The following GC variants were observed in gnomAD, a reference collection of about 807,000 sequenced individuals.
GC encodes vitamin D-binding protein.
A neutral mutation model predicts 56.7 loss-of-function variants in GC; 43 were observed. The observed-to-expected ratio is 0.76, with a 90% CI of 0.59 to 0.98. The LOEUF (loss-of-function observed/expected upper bound fraction) is 0.98, where lower values mean the gene tolerates loss of function less well. Ranked by LOEUF, GC falls within the 50% of genes least tolerant of loss-of-function variation. The pLI is 0.00. For missense variants in GC, 529 were observed against 545.9 expected, an observed-to-expected ratio of 0.97 and a Z score of 0.31; for synonymous variants, 216 against 202.7, an observed-to-expected ratio of 1.07 and a Z score of -0.56.
upstream of GC, chr4:71,784,269 G>A (rs547128748): frequency 1.1e-5 from 13 of 1,173,896 alleles, no homozygotes; most frequent in African/African-American, 1.8e-4. Context: ...GGAAAATCTA[G>A]GAGATTTTAA....
In GC at chr4:71,756,932, A is replaced by T; in HGVS notation, c.832-18T>A. 1.3e-6 allele frequency: 2 copies of T among 1,529,740 alleles called. No individual in the cohort carries two copies. The highest frequency in any genetic ancestry group is 1.7e-4 in the Middle Eastern group (1 of 5,862). The allele number at this position is 1,529,740 out of a possible 1,614,324, so 94.8% of individuals were successfully genotyped here. Reference sequence around the variant, plus strand: ...TCAGGCAGCTACAAAACGAATGGTTAGTTTGTGCATTGTTAGTTTCCTGAT... The same window carrying T: ...TCAGGCAGCTACAAAACGAATGGTTTGTTTGTGCATTGTTAGTTTCCTGAT... On this transcript the variant is annotated intron_variant, in intron 7 of 12. Coordinates refer to ENST00000273951, the MANE Select transcript of GC (RefSeq NM_000583.4).
intron 1 of GC, among the ~76,000 whole-genome samples, chr4:71,793,663 A>T (rs1578323359): frequency 6.6e-6 from 1 of 152,112 alleles, no homozygotes; most frequent in Non-Finnish European, 1.5e-5. Flanking sequence ...CTCTTGCCTG[A>T]TTGCCCCAAC....
chr4:71,797,744 T>C (rs1176471085), intron 1 of GC, among the ~76,000 whole-genome samples: 1 of 152,218 alleles, frequency 6.6e-6, no homozygotes, highest in Non-Finnish European at 1.5e-5. Flanking sequence ...ATAACCTGTC[T>C]TCTGCGTCAA....
At chr4:71,773,286 C>G (rs1157675677) in intron 1 of GC, among the ~76,000 whole-genome samples, 1 of 152,028 alleles carries the variant, frequency 6.6e-6, no homozygotes, top group African/African-American at 2.4e-5. Flanking sequence ...TCTGCAATAG[C>G]ATGTTTCACT....
At position 71,769,332 on chromosome 4, in the gene GC, G is replaced by A; in HGVS notation, c.127C>T (p.Leu43=). The A allele has an allele frequency of 6.2e-7, 1 of 1,603,876 alleles. No individual in the cohort carries two copies. Among genetic ancestry groups the A allele is most frequent in the Non-Finnish European group, 8.5e-7 (1 of 1,170,944 alleles). Residue 43 remains leucine (L), a splice_region_variant and synonymous_variant, in exon 2 of 13, where the codon CTG becomes TTG. Transcript: ENST00000273951. ...AGTGAGTGGCTGCTGCACACTTACAGAGATGTGAAGTCCTCCTTTCCCAGA... is the reference window on the plus strand; with the variant it reads ...AGTGAGTGGCTGCTGCACACTTACAAAGATGTGAAGTCCTCCTTTCCCAGA... ...SHLGKEDFTS[L]SLVLYSRKFP...
chr4:71,798,430 T>A (rs1241042644), intron 1 of GC, among the ~76,000 whole-genome samples: 1 of 152,210 alleles, frequency 6.6e-6, no homozygotes, highest in Admixed American at 6.5e-5. Context: ...TTGTTAAAGA[T>A]ATATTACAAA....
At chr4:71,803,963 T>G (rs1743306405) in exon 1 of GC, 1 of 1,476,668 alleles carries the variant, frequency 6.8e-7, no homozygotes, top group African/African-American at 1.4e-5. Context: ...CCAGTTGGAC[T>G]AGTCCAGATC....
chr4:71,765,756 T>A, intron 3 of GC, 113 bp from the exon 4 acceptor site: 1 of 673,630 alleles, frequency 1.5e-6, no homozygotes, highest in South Asian at 1.9e-5. Flanking sequence ...TTTATAACTA[T>A]GTATTCATGC....
Position 71,756,899 on chromosome 4 carries a change from C to G in GC, c.847G>C (p.Val283Leu). 3 of 1,611,826 alleles carry G rather than the reference C, an allele frequency of 1.9e-6. No individual in the cohort carries two copies. Among genetic ancestry groups the G allele is most frequent in the East Asian group, 2.2e-5 (1 of 44,856 alleles). The change falls in exon 8 of 13, where the codon GTA becomes CTA. Residue 283 changes from valine (V) to leucine (L), a missense_variant. Coordinates refer to ENST00000273951, the MANE Select transcript of GC (RefSeq NM_000583.4). Reference protein sequence around the residue: ...CMAKELPEHTVKLCDNLSTKN... With the variant: ...CMAKELPEHTLKLCDNLSTKN... ...GTGGATAAATTGTCACAGAGTTTTA[C>G]TGTGTGTTCAGGCAGCTACAAAACG...
intron 1 of GC, among the ~76,000 whole-genome samples, chr4:71,773,279 G>A (rs1742399670): frequency 6.6e-6 from 1 of 152,012 alleles, no homozygotes; most frequent in South Asian, 2.1e-4. Flanking sequence ...TTTGCTTTCT[G>A]CAATAGCATG....
At chr4:71,749,695 T>G (rs1191413433) in intron 11 of GC, among the ~76,000 whole-genome samples, 3 of 152,224 alleles carry the variant, frequency 2.0e-5, no homozygotes, top group Non-Finnish European at 4.4e-5. Context: ...AATTATTTTA[T>G]GCTAAAAATG....
At chr4:71,798,811 T>C (rs1182173132) in intron 1 of GC, among the ~76,000 whole-genome samples, 2 of 152,202 alleles carry the variant, frequency 1.3e-5, no homozygotes, top group East Asian at 3.9e-4. Context: ...GGAGTGTCAA[T>C]GTCTTTTAGC....
intron 1 of GC, among the ~76,000 whole-genome samples, chr4:71,776,711 C>T (rs1214309056): frequency 6.6e-6 from 1 of 151,730 alleles, no homozygotes; most frequent in Non-Finnish European, 1.5e-5. Flanking sequence ...TTATCATTCC[C>T]CATTATATAT....
intron 12 of GC, among the ~76,000 whole-genome samples, chr4:71,742,532 G>T (rs1434709066): frequency 6.6e-6 from 1 of 152,158 alleles, no homozygotes. Flanking sequence ...AACTCTCTGT[G>T]CTGGGTGTGA....
At chr4:71,778,385 G>C (rs1261955805) in intron 1 of GC, among the ~76,000 whole-genome samples, 1 of 151,820 alleles carries the variant, frequency 6.6e-6, no homozygotes, top group Non-Finnish European at 1.5e-5. Context: ...ATGACACCCA[G>C]GTTAGCAAAC....
chr4:71,751,653 C>T (rs921456352), intron 11 of GC, among the ~76,000 whole-genome samples: 5 of 149,762 alleles, frequency 3.3e-5, no homozygotes, highest in African/African-American at 9.8e-5. Flanking sequence ...AACCAGGAAG[C>T]GGGAGGGGAA....
chr4:71,804,263 T>G (rs1055948513), upstream of GC, among the ~76,000 whole-genome samples: 5 of 152,178 alleles, frequency 3.3e-5, no homozygotes, highest in Admixed American at 6.5e-5. Flanking sequence ...ATCAAATGTG[T>G]GAACAGCTGG....
At chr4:71,776,824 T>G (rs942691075) in intron 1 of GC, among the ~76,000 whole-genome samples, 2 of 151,898 alleles carry the variant, frequency 1.3e-5, no homozygotes, top group Non-Finnish European at 2.9e-5. Context: ...CATGGGTGAT[T>G]TTCTTTCACT....
chr4:71,762,871 G>A (rs1414939368), intron 6 of GC, among the ~76,000 whole-genome samples: 3 of 152,140 alleles, frequency 2.0e-5, no homozygotes, highest in African/African-American at 4.8e-5. Flanking sequence ...TCTTGCTTTT[G>A]TAAATTCCCC....
Sources: gnomAD v4.1 joint callset for allele counts (sites outside exome capture counted in the v4.1 genomes callset) on GRCh38, gnomAD v4.1.1 for gene constraint, MANE v1.5 for transcripts, NCBI Gene and HGNC (gene_info 2026-07-23, HGNC 2026-07-21) for gene names.